ACAP3: variants seen among roughly 807,000 people sequenced by gnomAD.
The protein encoded by ACAP3 is ArfGAP with coiled-coil, ankyrin repeat and PH domains 3.
A neutral mutation model predicts 104.1 loss-of-function variants in ACAP3; 56 were observed. That is an observed-to-expected ratio of 0.54 (90% CI 0.43 to 0.67). ACAP3 has a LOEUF of 0.67. Among genes scored for constraint, ACAP3 ranks in the 30% least tolerant of loss-of-function variants. ACAP3 has a pLI of 0.00. For synonymous variants in ACAP3, 628 were observed against 496.2 expected (o/e 1.27, Z -3.53); for missense variants, 1,208 against 1,174.9 (o/e 1.03, Z -0.41).
chr1:1,300,161 G>A lies in ACAP3; in HGVS notation c.564C>T (p.Asp188=). 2 of 1,610,582 alleles carry A rather than the reference G, an allele frequency of 1.2e-6. No individual in the cohort carries two copies. Among genetic ancestry groups the A allele is most frequent in the Non-Finnish European group, 1.7e-6 (2 of 1,178,716 alleles). Residue 188 remains aspartate, a synonymous_variant, in exon 7 of 24, where the codon GAC becomes GAT. Transcript: ENST00000354700. ...GGGGCAGCCCCCACGCACTCACAGAGTCCAGGATCTCAAACTTCTTCTTGG... is the reference window on the plus strand; with the variant it reads ...GGGGCAGCCCCCACGCACTCACAGAATCCAGGATCTCAAACTTCTTCTTGG... ...LQAKKKFEIL[D]SMLSFMHAQS...
chr1:1,295,718 C>A lies in ACAP3; in HGVS notation c.1705+18G>T, dbSNP rs537815544. 1.9e-6 allele frequency: 3 copies of A among 1,588,598 alleles called. No homozygotes were observed. Among genetic ancestry groups the A allele is most frequent in the East Asian group, 2.3e-5 (1 of 44,384 alleles). ...CAAGGCAAGCCCCTCCCAGCCCTGC[C>A]GGGGCATGGCCTCCCACCTGAGGAC... On this transcript the variant is annotated intron_variant, in intron 18 of 23. Transcript: ENST00000354700.
Position 1,302,826 on chromosome 1 carries a change from G to T in ACAP3, c.279+96C>A, listed in dbSNP as rs1054063599. On this transcript the variant is annotated intron_variant, in intron 4 of 23. Transcript: ENST00000354700. ...CCCCCCCGACTAGAGGAGCAGAAAC[G>T]TGCCCCCCCCAACCCGACGCCGGCC... The T allele has an allele frequency of 6.1e-5, 44 of 721,840 alleles. No homozygotes were observed. The Admixed American group carries it at 1.2e-3, about 20-fold the overall frequency. The allele number at this position is 721,840 out of a possible 1,614,324, so 44.7% of individuals were successfully genotyped here. A position where few individuals can be genotyped will look rare whatever the true frequency, so the allele number is the denominator to read the frequency against.
chr1:1,296,487 G>A lies in ACAP3; in HGVS notation c.1275C>T (p.Asp425=), dbSNP rs370009609. The change falls in exon 15 of 24, where the codon GAC becomes GAT. Residue 425 remains aspartate, a synonymous_variant. Coordinates refer to ENST00000354700, the MANE Select transcript of ACAP3 (RefSeq NM_030649.3). ...CCAGGTTGATGCTGGCCCAGCGGGG[G>A]TCCGGCTGGCCGCAGTCGCCGCACT... ...NSQCGDCGQP[D]PRWASINLGV... is the part of the protein sequence containing the mutation. 8.3e-4 allele frequency: 1,288 copies of A among 1,543,916 alleles called. 16 individuals are homozygous for A. Among genetic ancestry groups the A allele is most frequent in the South Asian group, 6.9e-3 (576 of 84,068 alleles).
chr1:1,302,176 C>T, intron 4 of ACAP3, 130 bp from the exon 5 acceptor site: 1 of 798,522 alleles, frequency 1.3e-6, no homozygotes, highest in Non-Finnish European at 1.8e-6. Flanking sequence ...CCCTGCAGGG[C>T]TGGCCTCAAG....
Position 1,294,754 on chromosome 1 carries a change from C to A in ACAP3, c.1876G>T (p.Gly626Cys), listed in dbSNP as rs564887554. Reference sequence around the variant, plus strand: ...ACGCTGTCCACCACAGAGCCCGAGCCGAAAGCCAGGACGTCCGAGCTGCCA... The same window carrying A: ...ACGCTGTCCACCACAGAGCCCGAGCAGAAAGCCAGGACGTCCGAGCTGCCA... ...SDGSSDVLAF[G>C]SGSVVDSVTE... is the part of the protein sequence containing the mutation. Residue 626 changes from glycine to cysteine, a missense_variant, in exon 20 of 24, where the codon GGC becomes TGC. Physicochemically the swap from Gly to Cys is radical, Grantham distance 159. Transcript: ENST00000354700. 1 of 1,549,770 alleles carries A rather than the reference C, an allele frequency of 6.5e-7. No individual in the cohort carries two copies. Among genetic ancestry groups the A allele is most frequent in the East Asian group, 2.4e-5 (1 of 40,902 alleles).
intron 1 of ACAP3, 174 bp from the exon 2 acceptor site, chr1:1,304,317 C>T (rs1641586502): frequency 2.7e-6 from 2 of 747,694 alleles, no homozygotes; most frequent in South Asian, 3.6e-5. Flanking sequence ...GTTCAGTGCA[C>T]TTCCCCCCGC....
At chr1:1,295,236 GCACACACCCAGGTGCACACAGCC>G (rs1641071904) in intron 19 of ACAP3, among the ~76,000 whole-genome samples, 188 bp downstream of exon 19, 2 of 152,246 alleles carry the variant, frequency 1.3e-5, no homozygotes, top group South Asian at 4.1e-4. Context: ...CCCGCTGTGT[GCACACACCCAGGTGCACACAGCC>G]CACACACACA....
intron 14 of ACAP3, among the ~76,000 whole-genome samples, 190 bp from the exon 15 acceptor site, chr1:1,296,823 G>T (rs578092596): frequency 3.2e-5 from 4 of 125,594 alleles, no homozygotes; most frequent in Non-Finnish European, 6.2e-5. Context: ...GCCCGCACAC[G>T]CACACACGCG....
At chr1:1,300,125 G>C (rs34699790) in intron 7 of ACAP3, 33 bp downstream of exon 7, 1 of 1,608,496 alleles carries the variant, frequency 6.2e-7, no homozygotes, top group Middle Eastern at 1.7e-4. Flanking sequence ...CCAACATGCA[G>C]CCTGTGCTCA....
chr1:1,307,068 G>A (rs768342317), intron 1 of ACAP3: 1 of 799,556 alleles, frequency 1.3e-6, no homozygotes, highest in East Asian at 6.3e-5. Flanking sequence ...ACGCAGGTGC[G>A]CACTTGGGGA....
chr1:1,300,355 G>A (rs1174849592), intron 6 of ACAP3, among the ~76,000 whole-genome samples, 153 bp from the exon 7 acceptor site: 1 of 152,202 alleles, frequency 6.6e-6, no homozygotes, highest in African/African-American at 2.4e-5. Context: ...TCCTCCCATG[G>A]TCCTGGACTG....
intron 11 of ACAP3, 48 bp downstream of exon 11, chr1:1,298,519 C>A: frequency 1.3e-6 from 1 of 750,412 alleles, no homozygotes; most frequent in Non-Finnish European, 2.1e-6. Flanking sequence ...GCCTGAGGAC[C>A]CCACCCCCGC....
chr1:1,298,778 G>A (rs1641313689), intron 10 of ACAP3, 99 bp from the exon 11 acceptor site: 2 of 887,440 alleles, frequency 2.3e-6, no homozygotes, highest in East Asian at 2.6e-5. Flanking sequence ...CCTTGTCTGA[G>A]GCTGCCACAC....
intron 1 of ACAP3, chr1:1,305,977 G>A (rs1641675478): frequency 6.6e-6 from 1 of 152,288 alleles, no homozygotes; most frequent in Non-Finnish European, 1.5e-5. Context: ...CCTGGCGGTA[G>A]GCCAGGAAAC....
chr1:1,302,728 T>C (rs2100467297), intron 4 of ACAP3, among the ~76,000 whole-genome samples, 194 bp downstream of exon 4: 1 of 145,450 alleles, frequency 6.9e-6, no homozygotes, highest in African/African-American at 2.5e-5. Flanking sequence ...AGTGTGGCCC[T>C]TGCCTGGGAC....
Position 1,302,984 on chromosome 1 carries a change from G to A in ACAP3, c.226-9C>T, listed in dbSNP as rs1413814227. On this transcript the variant is annotated splice_polypyrimidine_tract_variant and intron_variant, in intron 3 of 23. Transcript: ENST00000354700. ...AACCTCTGCAGACATTCCTGGAGGA[G>A]CAGATGGGAACCCGTGCTGAGATGG... 1.2e-6 allele frequency: 2 copies of A among 1,609,282 alleles called. No individual in the cohort carries two copies. The highest frequency in any genetic ancestry group is 1.7e-6 in the Non-Finnish European group (2 of 1,178,130).
intron 5 of ACAP3, 127 bp downstream of exon 5, chr1:1,301,861 T>C: frequency 1.1e-6 from 1 of 872,086 alleles, no homozygotes; most frequent in South Asian, 2.7e-5. Context: ...GCCTTCTGCC[T>C]TGTGGAGCCG....
At position 1,303,580 on chromosome 1, in the gene ACAP3, C is replaced by A; in HGVS notation, c.106-299G>T. ...GCCCATGTGGGGCTCATGGATAAGG[C>A]TGCCCACTCCCAGCTCCACGGCCTG... On this transcript the variant is annotated intron_variant, in intron 2 of 23. Transcript: ENST00000354700. The surrounding 1 kb of genome is among the most constrained non-coding windows in gnomAD (Gnocchi z 4.0). 1.9e-6 allele frequency: 1 copy of A among 515,134 alleles called. No homozygotes were observed. 31.9% of individuals were successfully genotyped at this position (515,134 alleles called of 1,614,324 possible).
At position 1,295,517 on chromosome 1, in the gene ACAP3, G is replaced by A. The variant is rs2100406513; in HGVS notation, c.1743C>T (p.Leu581=). ...TLDRKFRRDS[L]FCPDELDSLF... The stretch of plus-strand genomic sequence containing the variant: ...GCGAGTCCAGCTCGTCGGGACAGAA[G>A]AGGGAGTCTCGGCGGAACTTACGAT... Residue 581 remains leucine (L), a synonymous_variant, in exon 19 of 24, where the codon CTC becomes CTT. Transcript: ENST00000354700. 5.6e-6 allele frequency: 9 copies of A among 1,612,688 alleles called. No individual in the cohort carries two copies. The highest frequency in any genetic ancestry group is 5.9e-6 in the Non-Finnish European group (7 of 1,179,908).
Sources: allele counts gnomAD v4.1 joint callset (sites outside exome capture counted in the v4.1 genomes callset), GRCh38; gene constraint gnomAD v4.1.1; non-coding constraint Gnocchi (gnomAD v3.1); transcripts MANE v1.5; gene names NCBI Gene and HGNC (gene_info 2026-07-23, HGNC 2026-07-21).